Variants in PTPRJ observed in about 807,000 individuals in gnomAD.
The protein encoded by PTPRJ is receptor-type tyrosine-protein phosphatase eta.
Under a neutral mutation model 141.3 loss-of-function variants are expected in PTPRJ, and 129 were observed. That is an observed-to-expected ratio of 0.91 (90% confidence interval 0.79 to 1.06). PTPRJ has a LOEUF of 1.06. Among genes scored for constraint, PTPRJ ranks in the 50% least tolerant of loss-of-function variants. PTPRJ has a pLI of 0.00. For missense variants in PTPRJ, 1,601 were observed against 1,679.7 expected, an observed-to-expected ratio of 0.95 and a Z score of 0.82; for synonymous variants, 610 against 640.5, an observed-to-expected ratio of 0.95 and a Z score of 0.72.
intron 1 of PTPRJ, among the ~76,000 whole-genome samples, chr11:48,001,794 G>C (rs1461843760): frequency 6.6e-6 from 1 of 152,202 alleles, no homozygotes; most frequent in Admixed American, 6.5e-5. Flanking sequence ...GCTGCTTGCT[G>C]CCAGAGTCAG....
At chr11:48,103,834 C>A (rs1025189153) in intron 1 of PTPRJ, among the ~76,000 whole-genome samples, 9 of 152,226 alleles carry the variant, frequency 5.9e-5, no homozygotes, top group African/African-American at 1.7e-4. Context: ...AAAGTCCACA[C>A]AGCCTCACCA....
At chr11:48,044,396 G>T (rs1316268250) in intron 1 of PTPRJ, among the ~76,000 whole-genome samples, 1 of 152,184 alleles carries the variant, frequency 6.6e-6, no homozygotes, top group African/African-American at 2.4e-5. Flanking sequence ...GGGCCTAAGA[G>T]GAATTGGATC....
chr11:48,119,956 T>A (rs1242815109), intron 3 of PTPRJ, among the ~76,000 whole-genome samples: 1 of 152,188 alleles, frequency 6.6e-6, no homozygotes, highest in African/African-American at 2.4e-5. Flanking sequence ...CCCTGATGGC[T>A]TCCACTGGTT....
intron 1 of PTPRJ, among the ~76,000 whole-genome samples, chr11:48,076,068 C>T (rs10769314): frequency 0.57 from 86,707 of 152,050 alleles, 28,497 homozygotes; most frequent in East Asian, 0.8. Flanking sequence ...CTTGGAATTA[C>T]CCTATAGGAA....
Position 48,130,669 on chromosome 11 carries a change from G to A in PTPRJ, c.1568G>A (p.Gly523Glu). Residue 523 changes from glycine to glutamate, a missense_variant, in exon 8 of 25, where the codon GGA becomes GAA. Gly to Glu is a moderately conservative substitution (Grantham distance 98). Coordinates refer to ENST00000418331, the MANE Select transcript of PTPRJ (RefSeq NM_002843.4). ...TKYCFEIVPKGPNGTEGASRT... is the reference protein window; with the variant it reads ...TKYCFEIVPKEPNGTEGASRT... ...TATTGCTTTGAAATAGTTCCAAAAG[G>A]ACCAAATGGGACTGAAGGGGCATCT... is the stretch of plus-strand genomic sequence containing the variant. 5 of 1,613,986 alleles carry A rather than the reference G, an allele frequency of 3.1e-6. No homozygotes were observed. The highest frequency in any genetic ancestry group is 4.2e-6 in the Non-Finnish European group (5 of 1,179,954).
At chr11:48,132,287 G>A (rs1856999177) in intron 8 of PTPRJ, 1 of 984,388 alleles carries the variant, frequency 1.0e-6, no homozygotes, top group Non-Finnish European at 1.2e-6. Context: ...CATCGTCCCA[G>A]CTACTTGAGA....
At chr11:48,053,254 T>A (rs1354768240) in intron 1 of PTPRJ, among the ~76,000 whole-genome samples, 1 of 84,814 alleles carries the variant, frequency 1.2e-5, no homozygotes, top group Non-Finnish European at 2.0e-5. Context: ...TTATATAATA[T>A]ATATAATATA....
chr11:48,053,823 C>T (rs976268465), intron 1 of PTPRJ, among the ~76,000 whole-genome samples: 2 of 150,956 alleles, frequency 1.3e-5, no homozygotes, highest in Admixed American at 1.3e-4. Flanking sequence ...GATCCGCCCA[C>T]CTTGACCTCC....
chr11:48,021,951 T>G (rs1186873301), intron 1 of PTPRJ, among the ~76,000 whole-genome samples: 1 of 152,182 alleles, frequency 6.6e-6, no homozygotes, highest in African/African-American at 2.4e-5. Context: ...AACATGGGCA[T>G]GGAGCCTGGC....
chr11:48,063,283 G>A (rs1253313236), intron 1 of PTPRJ, among the ~76,000 whole-genome samples: 1 of 152,100 alleles, frequency 6.6e-6, no homozygotes, highest in African/African-American at 2.4e-5. Flanking sequence ...AGCTGAGATT[G>A]CACCAATGCA....
intron 21 of PTPRJ, among the ~76,000 whole-genome samples, chr11:48,156,848 A>G (rs1857620842): frequency 6.6e-6 from 1 of 151,906 alleles, no homozygotes; most frequent in South Asian, 2.1e-4. Flanking sequence ...TGGCCTCCCA[A>G]AGTGTTGGGA....
In PTPRJ at chr11:48,123,609, A is replaced by G; in HGVS notation, c.617-4A>G. 6.2e-7 allele frequency: 1 copy of G among 1,611,324 alleles called. No individual in the cohort carries two copies. On this transcript the variant is annotated splice_polypyrimidine_tract_variant and splice_region_variant and intron_variant, in intron 4 of 24. Coordinates refer to ENST00000418331, the MANE Select transcript of PTPRJ (RefSeq NM_002843.4). ...CATTAATGCATGTTGTATTTTTAAA[A>G]TAGAGCCGATCCCAGTTTCTGATCT...
At chr11:48,101,115 A>C (rs1158829348) in intron 1 of PTPRJ, among the ~76,000 whole-genome samples, 1 of 152,182 alleles carries the variant, frequency 6.6e-6, no homozygotes, top group Non-Finnish European at 1.5e-5. Flanking sequence ...TTTGGGGTCC[A>C]TGACATTTGC....
At chr11:48,048,805 TAAAAAC>T (rs1186276285) in intron 1 of PTPRJ, among the ~76,000 whole-genome samples, 1 of 151,914 alleles carries the variant, frequency 6.6e-6, no homozygotes, top group Non-Finnish European at 1.5e-5. Flanking sequence ...AGAATAAAAA[TAAAAAC>T]AAAAATAAAC....
At chr11:48,152,507 CGTA>C (rs1434798255) in intron 18 of PTPRJ, among the ~76,000 whole-genome samples, 1 of 152,178 alleles carries the variant, frequency 6.6e-6, no homozygotes, top group Non-Finnish European at 1.5e-5. Flanking sequence ...GTGTTTTAGA[CGTA>C]AAGTCCTTGC....
chr11:48,033,447 C>T (rs1212504247), intron 1 of PTPRJ, among the ~76,000 whole-genome samples: 1 of 152,134 alleles, frequency 6.6e-6, no homozygotes, highest in Non-Finnish European at 1.5e-5. Flanking sequence ...GGTAAGATCA[C>T]CGTCATGTGA....
rs1856758252 is a variant in PTPRJ, at chr11:48,123,548, T to C, written c.617-65T>C. 4 of 1,522,470 alleles carry C rather than the reference T, an allele frequency of 2.6e-6. No homozygotes were observed. In the Admixed American group the frequency reaches 8.0e-5, roughly 30 times the overall value. 94.3% of individuals were successfully genotyped at this position (1,522,470 alleles called of 1,614,324 possible). A position where few individuals can be genotyped will look rare whatever the true frequency, so the allele number is the denominator to read the frequency against. On this transcript the variant is annotated intron_variant, in intron 4 of 24. Transcript: ENST00000418331. ...ACCCGCTCCCAGCACTGAACCCCAG[T>C]CATTCTTAATGAAGGTGACTGCATA...
intron 1 of PTPRJ, among the ~76,000 whole-genome samples, chr11:48,057,702 G>GA (rs1242386365): frequency 2.6e-5 from 4 of 151,568 alleles, no homozygotes; most frequent in East Asian, 3.9e-4. Flanking sequence ...AGTTTTGAGG[G>GA]AAAAAAAACT....
At chr11:48,063,152 AC>A (rs1461593632) in intron 1 of PTPRJ, among the ~76,000 whole-genome samples, 1 of 152,118 alleles carries the variant, frequency 6.6e-6, no homozygotes, top group African/African-American at 2.4e-5. Flanking sequence ...ATGTGGTGAA[AC>A]CTTGTCTCTA....
Sources: gnomAD v4.1 joint callset for allele counts (sites outside exome capture counted in the v4.1 genomes callset) on GRCh38, gnomAD v4.1.1 for gene constraint, MANE v1.5 for transcripts, NCBI Gene and HGNC (gene_info 2026-07-23, HGNC 2026-07-21) for gene names.